TMCC3: variants seen among roughly 807,000 people sequenced by gnomAD.
TMCC3 encodes the protein transmembrane and coiled-coil domain protein 3.
A neutral mutation model predicts 40.2 loss-of-function variants in TMCC3; 28 were observed. The observed-to-expected ratio is 0.70, with a 90% confidence interval of 0.52 to 0.95. TMCC3 has a LOEUF of 0.95. Among genes scored for constraint, TMCC3 ranks in the 40% least tolerant of loss-of-function variants. TMCC3 has a pLI of 0.00. For missense variants in TMCC3, 554 were observed against 615.2 expected (o/e 0.90, Z 1.05); for synonymous variants, 255 against 248.5 (o/e 1.03, Z -0.25).
At chr12:94,636,218 A>G (rs548633184) in intron 1 of TMCC3, among the ~76,000 whole-genome samples, 61 of 152,256 alleles carry the variant, frequency 4.0e-4, no homozygotes, top group Non-Finnish European at 8.1e-4. Flanking sequence ...GAATTGAATA[A>G]TTCTAACTCA....
intron 1 of TMCC3, among the ~76,000 whole-genome samples, chr12:94,625,304 T>C (rs1309009367): frequency 6.6e-6 from 1 of 151,592 alleles, no homozygotes; most frequent in African/African-American, 2.4e-5. Context: ...TAATAGTAAA[T>C]GGGCTGGGCG....
rs777525753 is a variant in TMCC3 at position 94,582,330 on chromosome 12, T to C, written c.287A>G (p.Tyr96Cys). Residue 96 changes from tyrosine to cysteine, a missense_variant, in exon 2 of 4, where the codon TAT (tyrosine) becomes TGT (cysteine). Transcript: ENST00000261226. ...QTSRDGNVAEYLKLVNNADKQ... is the reference protein window; with the variant it reads ...QTSRDGNVAECLKLVNNADKQ... ...GTCTGCGTTGTTCACTAGTTTCAGA[T>C]ACTCCGCAACATTCCCATCGCGCGA... The C allele has an allele frequency of 1.2e-6, 2 of 1,614,078 alleles. No homozygotes were observed. Among genetic ancestry groups the C allele is most frequent in the African/African-American group, 1.3e-5 (1 of 75,008 alleles).
chr12:94,621,157 A>T (rs1003220635), intron 1 of TMCC3, among the ~76,000 whole-genome samples: 1 of 152,248 alleles, frequency 6.6e-6, no homozygotes. Context: ...TCCAAAAGAA[A>T]CACAGCACAG....
intron 1 of TMCC3, among the ~76,000 whole-genome samples, chr12:94,632,185 T>G (rs918304994): frequency 6.6e-6 from 1 of 152,226 alleles, no homozygotes; most frequent in Admixed American, 6.5e-5. Context: ...AAGAGAACTT[T>G]CCGGGGTGAT....
chr12:94,641,443 G>T (rs190016405), intron 1 of TMCC3, among the ~76,000 whole-genome samples: 566 of 152,218 alleles, frequency 3.7e-3, no homozygotes, highest in Middle Eastern at 0.017. Context: ...TCCCCGGCTG[G>T]GCTCTCAAAT....
chr12:94,616,792 T>C (rs2068850551), intron 1 of TMCC3, among the ~76,000 whole-genome samples: 1 of 152,242 alleles, frequency 6.6e-6, no homozygotes, highest in Non-Finnish European at 1.5e-5. Context: ...AGTTGAAGAC[T>C]GGGACAGCAG....
intron 1 of TMCC3, among the ~76,000 whole-genome samples, chr12:94,585,754 A>G (rs1280586591): frequency 1.3e-5 from 2 of 152,144 alleles, no homozygotes; most frequent in East Asian, 3.8e-4. Context: ...TCCCAGTCCC[A>G]GTGGAACACC....
At chr12:94,603,225 C>A (rs2138852114) in intron 1 of TMCC3, among the ~76,000 whole-genome samples, 1 of 152,304 alleles carries the variant, frequency 6.6e-6, no homozygotes, top group East Asian at 1.9e-4. Context: ...CCTGGGATTA[C>A]AGACGTGCAC....
chr12:94,619,802 G>A (rs117637736), intron 1 of TMCC3, among the ~76,000 whole-genome samples: 162 of 152,222 alleles, frequency 1.1e-3, no homozygotes, highest in Non-Finnish European at 1.7e-3. Flanking sequence ...ATCAATAGGC[G>A]ACTGGTTAAA....
Position 94,571,312 on chromosome 12 carries a change from A to C in TMCC3, c.*123T>G, listed in dbSNP as rs765785616. The C allele has an allele frequency of 8.1e-6, 8 of 992,510 alleles. No homozygotes were observed. The African/African-American group carries it at 1.3e-4, about 16-fold the overall frequency. The allele number at this position is 992,510 out of a possible 1,614,324, so 61.5% of individuals were successfully genotyped here. ...TAAGAGAATTGTAGTTATTTACACC[A>C]CACAGTCCTAGTTTTTCTTACACAC... On this transcript the variant is annotated 3_prime_UTR_variant, in exon 4 of 4. Coordinates refer to ENST00000261226, the MANE Select transcript of TMCC3 (RefSeq NM_020698.4).
At chr12:94,601,394 A>G (rs926320457) in intron 1 of TMCC3, among the ~76,000 whole-genome samples, 13 of 152,072 alleles carry the variant, frequency 8.5e-5, no homozygotes. Flanking sequence ...AGATGCCTGT[A>G]ATCCCAGCTA....
intron 1 of TMCC3, among the ~76,000 whole-genome samples, chr12:94,606,042 T>C (rs1044258785): frequency 1.3e-5 from 2 of 151,992 alleles, no homozygotes; most frequent in African/African-American, 4.8e-5. Flanking sequence ...AACAAGTATG[T>C]GTGTAGGGGG....
At chr12:94,638,886 G>T (rs919773501) in intron 1 of TMCC3, among the ~76,000 whole-genome samples, 1 of 152,150 alleles carries the variant, frequency 6.6e-6, no homozygotes, top group Non-Finnish European at 1.5e-5. Context: ...CTTTATTTTT[G>T]GACAAGTGCT....
chr12:94,585,251 G>A (rs547992973), intron 1 of TMCC3, among the ~76,000 whole-genome samples: 12 of 152,200 alleles, frequency 7.9e-5, no homozygotes, highest in East Asian at 5.8e-4. Context: ...CCTTTCAGGC[G>A]TCACCTCACC....
chr12:94,593,495 T>A (rs12582164), intron 1 of TMCC3, among the ~76,000 whole-genome samples: 1 of 139,986 alleles, frequency 7.1e-6, no homozygotes, highest in Non-Finnish European at 1.6e-5. Context: ...TCCTGAGAGC[T>A]GGTAAAGTAA....
At chr12:94,599,492 C>A (rs924120201) in intron 1 of TMCC3, among the ~76,000 whole-genome samples, 2 of 151,978 alleles carry the variant, frequency 1.3e-5, no homozygotes, top group East Asian at 3.9e-4. Context: ...CAAATTCATA[C>A]CAGAAGGTCC....
rs77631879 is a variant in TMCC3, at chr12:94,601,959, G to C, written c.79-19421C>G. On this transcript the variant is annotated intron_variant, in intron 1 of 3. Coordinates refer to ENST00000261226, the MANE Select transcript of TMCC3 (RefSeq NM_020698.4). ...ATCTGGGTAAGGTAGATGAGTATTT[G>C]CTGTGATGTTCCTTCTGCTTTTCCA... 7.8e-3 allele frequency among the ~76,000 whole-genome samples: 1,193 copies of C among 152,108 alleles called. 7 individuals carry two copies. The highest frequency in any genetic ancestry group is 0.011 in the Non-Finnish European group (775 of 67,992).
At chr12:94,575,033 T>TC (rs2068555571) in intron 3 of TMCC3, among the ~76,000 whole-genome samples, 1 of 152,194 alleles carries the variant, frequency 6.6e-6, no homozygotes, top group African/African-American at 2.4e-5. Context: ...TTGGGTCCAG[T>TC]AATTAACTTA....
At chr12:94,606,365 T>C (rs1323428791) in intron 1 of TMCC3, among the ~76,000 whole-genome samples, 2 of 109,788 alleles carry the variant, frequency 1.8e-5, no homozygotes, top group Non-Finnish European at 3.7e-5. Flanking sequence ...AACTTTTTTC[T>C]TATTCTTTTT....
Sources: allele counts gnomAD v4.1 joint callset (sites outside exome capture counted in the v4.1 genomes callset), GRCh38; gene constraint gnomAD v4.1.1; transcripts MANE v1.5; gene names NCBI Gene and HGNC (gene_info 2026-07-23, HGNC 2026-07-21).